HBP1: variants seen among roughly 807,000 people sequenced by gnomAD.
The protein encoded by HBP1 is HMG-box transcription factor 1.
HBP1 carries 20 observed loss-of-function variants against 62.6 expected under a neutral mutation model. That is an observed-to-expected ratio of 0.32 (90% CI 0.22 to 0.46). HBP1 has a LOEUF of 0.46. Among genes scored for constraint, HBP1 ranks in the 20% least tolerant of loss-of-function variants. HBP1 has a pLI of 1.00. For missense variants in HBP1, 480 were observed against 611.8 expected (o/e 0.78, Z 2.27); for synonymous variants, 232 against 206.2 (o/e 1.12, Z -1.07).
chr7:107,180,806 G>T (rs1474122964), intron 2 of HBP1, among the ~76,000 whole-genome samples: 1 of 152,118 alleles, frequency 6.6e-6, no homozygotes, highest in Non-Finnish European at 1.5e-5. Flanking sequence ...AGGATTTTCT[G>T]GACCCTAGTA....
rs1797570072 is a variant in HBP1, at chr7:107,189,963, G to A, written c.923-210G>A. 9.6e-6 allele frequency: 4 copies of A among 418,182 alleles called. No individual in the cohort carries two copies. The South Asian group carries it at 2.3e-4, about 24-fold the overall frequency. The allele number at this position is 418,182 out of a possible 1,614,324, so 25.9% of individuals were successfully genotyped here. ...GGAGCTCTATATATAATAAAATGCT[G>A]AACAATAAGCTAGTTTTGGAGGGCT... On this transcript the variant is annotated intron_variant, in intron 7 of 10. Transcript: ENST00000222574.
chr7:107,188,645 A>G (rs905737976), intron 6 of HBP1, among the ~76,000 whole-genome samples: 1 of 152,150 alleles, frequency 6.6e-6, no homozygotes, highest in African/African-American at 2.4e-5. Flanking sequence ...TTCTGGTTCT[A>G]TTACTATTGC....
chr7:107,200,940 T>C (rs1798231989), intron 10 of HBP1: 1 of 153,484 alleles, frequency 6.5e-6, no homozygotes, highest in Non-Finnish European at 1.4e-5. Flanking sequence ...TGTGATATAG[T>C]GGGGTCAATT....
chr7:107,186,163 TTTC>T (rs1205111814), intron 4 of HBP1, among the ~76,000 whole-genome samples, 195 bp from the exon 5 acceptor site: 12 of 145,774 alleles, frequency 8.2e-5, no homozygotes, highest in African/African-American at 2.4e-4. Context: ...TTTCTTTTTT[TTTC>T]TTTTTTTTTT....
intron 1 of HBP1, among the ~76,000 whole-genome samples, chr7:107,173,284 G>T (rs189182857): frequency 1.1e-4 from 16 of 152,276 alleles, no homozygotes; most frequent in Admixed American, 8.5e-4. Context: ...CAATTTGAGC[G>T]TGTAGTCTGG....
intron 9 of HBP1, among the ~76,000 whole-genome samples, chr7:107,198,430 G>A (rs1332073366): frequency 6.6e-6 from 1 of 151,916 alleles, no homozygotes; most frequent in African/African-American, 2.4e-5. Context: ...GGCTGGTCTC[G>A]AACTCCTGAT....
At chr7:107,197,652 G>A (rs1197697900) in intron 9 of HBP1, among the ~76,000 whole-genome samples, 1 of 152,200 alleles carries the variant, frequency 6.6e-6, no homozygotes, top group Non-Finnish European at 1.5e-5. Context: ...TTACAGGCAT[G>A]AGCCACGGGC....
chr7:107,191,998 AG>A, intron 8 of HBP1, among the ~76,000 whole-genome samples: 1 of 152,164 alleles, frequency 6.6e-6, no homozygotes, highest in Non-Finnish European at 1.5e-5. Flanking sequence ...GAGGGAAGCC[AG>A]GCTTCCAGGG....
chr7:107,179,810 A>G, intron 1 of HBP1, 69 bp from the exon 2 acceptor site: 1 of 942,060 alleles, frequency 1.1e-6, no homozygotes, highest in Non-Finnish European at 1.6e-6. Context: ...TCTCTGATTT[A>G]TTTTAGGTTT....
At chr7:107,179,825 A>G in intron 1 of HBP1, 54 bp from the exon 2 acceptor site, 1 of 1,177,560 alleles carries the variant, frequency 8.5e-7, no homozygotes, top group Admixed American at 1.9e-5. Flanking sequence ...AGGTTTGTGT[A>G]CTGCCCAAAT....
Position 107,186,068 on chromosome 7 carries a change from T to C in HBP1, c.540+126T>C, listed in dbSNP as rs367946287. On this transcript the variant is annotated intron_variant, in intron 4 of 10. Transcript: ENST00000222574. The stretch of plus-strand genomic sequence containing the variant: ...CTGGATTTGATTTTATATACAGCTC[T>C]GCTATGTGTTAGGAAAGCTTATTAT... 1.9e-5 allele frequency: 13 copies of C among 693,250 alleles called. No individual in the cohort carries two copies. The African/African-American group carries it at 2.3e-4, about 12-fold the overall frequency. 42.9% of individuals were successfully genotyped at this position (693,250 alleles called of 1,614,324 possible).
rs1444434932 is a variant in HBP1 at position 107,184,534 on chromosome 7, G to T, written c.399-1267G>T. Among the ~76,000 whole-genome samples the T allele has an allele frequency of 1.7e-4, 26 of 151,988 alleles. 1 individual carries two copies. The highest frequency in any genetic ancestry group is 1.5e-5 in the Non-Finnish European group (1 of 67,992). On this transcript the variant is annotated intron_variant, in intron 3 of 10. Transcript: ENST00000222574. The stretch of plus-strand genomic sequence containing the variant: ...TTTTTTGTTTTTGTTTTTTTGAGAC[G>T]GAGTCTTGCTCTGTCGCCCAGGCTC...
chr7:107,196,975 C>T (rs1407143269), intron 9 of HBP1: 1 of 152,248 alleles, frequency 6.6e-6, no homozygotes, highest in Non-Finnish European at 1.5e-5. Flanking sequence ...ACAGTTCTAT[C>T]TTTATGGAAC....
chr7:107,195,253 C>T (rs1267075561), intron 8 of HBP1, among the ~76,000 whole-genome samples: 1 of 152,190 alleles, frequency 6.6e-6, no homozygotes, highest in African/African-American at 2.4e-5. Context: ...AACTCCTGAC[C>T]TCAGGTGATC....
intron 9 of HBP1, chr7:107,196,548 G>A (rs1015421229): frequency 1.4e-5 from 4 of 280,744 alleles, no homozygotes; most frequent in Non-Finnish European, 2.8e-5. Context: ...GATTACAGGC[G>A]TGAGCCACTG....
intron 9 of HBP1, chr7:107,196,553 C>A: frequency 3.7e-6 from 1 of 271,804 alleles, no homozygotes; most frequent in Non-Finnish European, 7.3e-6. Flanking sequence ...CAGGCGTGAG[C>A]CACTGTGCCC....
intron 1 of HBP1, chr7:107,179,672 T>C (rs1797017888): frequency 3.3e-6 from 1 of 303,786 alleles, no homozygotes; most frequent in Non-Finnish European, 6.2e-6. Flanking sequence ...CTTAGGTGGC[T>C]GAGGCGGGAG....
chr7:107,176,231 G>C (rs1023153801), intron 1 of HBP1, among the ~76,000 whole-genome samples: 1 of 149,260 alleles, frequency 6.7e-6, no homozygotes, highest in Non-Finnish European at 1.5e-5. Context: ...TCACCATGTT[G>C]GTCAGGCTGG....
Position 107,171,073 on chromosome 7 carries a change from A to ATATATATATATATTTTTTTT in HBP1, c.-16+1889_-16+1890insATATATATATATTTTTTTTT. 1.1e-4 allele frequency among the ~76,000 whole-genome samples: 10 copies of ATATATATATATATTTTTTTT among 87,194 alleles called. 2 individuals are homozygous for ATATATATATATATTTTTTTT. The highest frequency in any genetic ancestry group is 6.0e-4 in the African/African-American group (9 of 15,086). 57.2% of individuals were successfully genotyped at this position (87,194 alleles called of 152,430 possible). ...TATATATATATATATATATATATATATTTTTTTTTTTTTTTGAGAGGGAGT... is the reference window on the plus strand; with the variant it reads ...TATATATATATATATATATATATATATATATATATATATTTTTTTTTTTTTTTTTTTTTTTGAGAGGGAGT... On this transcript the variant is annotated intron_variant, in intron 1 of 10. Coordinates refer to ENST00000222574, the MANE Select transcript of HBP1 (RefSeq NM_012257.4).
Sources: gnomAD v4.1 joint callset for allele counts (sites outside exome capture counted in the v4.1 genomes callset) on GRCh38, gnomAD v4.1.1 for gene constraint, MANE v1.5 for transcripts, NCBI Gene and HGNC (gene_info 2026-07-23, HGNC 2026-07-21) for gene names.